The following RCAN1 variants were observed in gnomAD, a reference collection of about 807,000 sequenced individuals.
RCAN1 encodes regulator of calcineurin 1, also known as calcipressin-1.
In RCAN1, 11 loss-of-function variants were observed where a neutral mutation model predicts 22.9. The observed-to-expected ratio is 0.48, with a 90% CI of 0.30 to 0.79. RCAN1 has a LOEUF of 0.79. RCAN1 is among the 30% of genes least tolerant of loss of function. The pLI is 0.06. For synonymous variants in RCAN1, 136 were observed against 142.3 expected (o/e 0.96, Z 0.32); for missense variants, 291 against 337.8 (o/e 0.86, Z 1.09).
chr21:34,556,335 A>G (rs1986571058), intron 1 of RCAN1, among the ~76,000 whole-genome samples: 1 of 150,650 alleles, frequency 6.6e-6, no homozygotes, highest in Non-Finnish European at 1.5e-5. Context: ...CTAAAGTAGG[A>G]GAATCGCTTG....
intron 1 of RCAN1, among the ~76,000 whole-genome samples, chr21:34,590,347 T>C (rs1171626037): frequency 6.6e-6 from 1 of 152,258 alleles, no homozygotes; most frequent in Non-Finnish European, 1.5e-5. Flanking sequence ...TATTGCTTTG[T>C]TTTCCCCTGG....
chr21:34,613,261 T>C (rs1176878621), intron 1 of RCAN1, among the ~76,000 whole-genome samples: 1 of 152,226 alleles, frequency 6.6e-6, no homozygotes, highest in Non-Finnish European at 1.5e-5. Context: ...CCTCCAAGTC[T>C]TATTTTTTCC....
intron 1 of RCAN1, among the ~76,000 whole-genome samples, chr21:34,547,619 A>G (rs1418025001): frequency 6.6e-6 from 1 of 152,192 alleles, no homozygotes; most frequent in Non-Finnish European, 1.5e-5. Flanking sequence ...GGGCCTTGAC[A>G]AGGTGAGGAG....
At chr21:34,581,290 C>T (rs1447095425) in intron 1 of RCAN1, among the ~76,000 whole-genome samples, 2 of 152,056 alleles carry the variant, frequency 1.3e-5, no homozygotes, top group South Asian at 2.1e-4. Context: ...CAAATCAAGA[C>T]GCTGTTTGTA....
At chr21:34,520,785 G>C (rs558228589) in intron 3 of RCAN1, among the ~76,000 whole-genome samples, 6 of 152,346 alleles carry the variant, frequency 3.9e-5, no homozygotes, top group Admixed American at 1.3e-4. Context: ...AACACTGACT[G>C]TGAGCCAGGT....
chr21:34,599,379 C>A (rs1265885491), intron 1 of RCAN1, among the ~76,000 whole-genome samples: 1 of 151,992 alleles, frequency 6.6e-6, no homozygotes, highest in African/African-American at 2.4e-5. Context: ...GAGGCTGAGG[C>A]AGGAGAATCA....
chr21:34,601,571 C>T (rs1385136318), intron 1 of RCAN1, among the ~76,000 whole-genome samples: 2 of 152,174 alleles, frequency 1.3e-5, no homozygotes, highest in African/African-American at 4.8e-5. Flanking sequence ...GTAATCCCAG[C>T]ACTTTGGGAG....
chr21:34,562,986 T>C (rs764788262), intron 1 of RCAN1, among the ~76,000 whole-genome samples: 1 of 152,212 alleles, frequency 6.6e-6, no homozygotes, highest in East Asian at 1.9e-4. Flanking sequence ...CCACCTTTGT[T>C]TGACACACAG....
chr21:34,521,360 CAGA>C, intron 3 of RCAN1, 136 bp downstream of exon 3: 5 of 1,534,762 alleles, frequency 3.3e-6, no homozygotes, highest in Non-Finnish European at 3.5e-6. Flanking sequence ...GACGGTGGCG[CAGA>C]AGAATACAGA....
intron 2 of RCAN1, chr21:34,523,255 C>T (rs755133479): frequency 9.5e-5 from 37 of 387,864 alleles, no homozygotes; most frequent in African/African-American, 1.8e-4. Context: ...ACGCCTACCC[C>T]GCTGCACCCT....
At chr21:34,550,950 T>C (rs945314891) in intron 1 of RCAN1, among the ~76,000 whole-genome samples, 2 of 152,212 alleles carry the variant, frequency 1.3e-5, no homozygotes, top group African/African-American at 4.8e-5. Flanking sequence ...TATCCTGCTA[T>C]CAACTAATAC....
chr21:34,553,320 T>G (rs1159035413), intron 1 of RCAN1, among the ~76,000 whole-genome samples: 1 of 152,128 alleles, frequency 6.6e-6, no homozygotes, highest in Non-Finnish European at 1.5e-5. Flanking sequence ...TTTGCTTCAT[T>G]GGTGCTTTTC....
At chr21:34,553,745 G>A (rs1198285826) in intron 1 of RCAN1, among the ~76,000 whole-genome samples, 1 of 152,192 alleles carries the variant, frequency 6.6e-6, no homozygotes, top group Non-Finnish European at 1.5e-5. Context: ...ACAGTGCTGG[G>A]TTCATGATCA....
intron 1 of RCAN1, among the ~76,000 whole-genome samples, chr21:34,599,781 A>C (rs1988275036): frequency 6.6e-6 from 1 of 152,154 alleles, no homozygotes; most frequent in South Asian, 2.1e-4. Context: ...GGTCATAAAA[A>C]AATCATCTAA....
intron 1 of RCAN1, among the ~76,000 whole-genome samples, chr21:34,565,025 C>T (rs1307996430): frequency 7.1e-6 from 1 of 141,664 alleles, no homozygotes; most frequent in African/African-American, 2.8e-5. Flanking sequence ...CAAGTGAGAC[C>T]CCATCTCTAC....
intron 1 of RCAN1, among the ~76,000 whole-genome samples, chr21:34,571,949 A>G (rs1358989845): frequency 2.6e-5 from 4 of 152,234 alleles, no homozygotes; most frequent in Non-Finnish European, 5.9e-5. Context: ...GACCTAATTT[A>G]ATCACCACTA....
At position 34,564,311 on chromosome 21, in the gene RCAN1, G is replaced by A. The variant is rs114654711; in HGVS notation, c.253-40601C>T. 7.1e-3 allele frequency among the ~76,000 whole-genome samples: 1,087 copies of A among 152,190 alleles called. 11 individuals carry two copies. Among genetic ancestry groups the A allele is most frequent in the African/African-American group, 0.024 (1,011 of 41,526 alleles). ...GGGGACACAGCAAACCATATCAGGC[G>A]GGGGGATCACAGGGCAGGAAATGAA... On this transcript the variant is annotated intron_variant, in intron 1 of 3. Coordinates refer to ENST00000313806, the MANE Select transcript of RCAN1 (RefSeq NM_004414.7).
intron 1 of RCAN1, among the ~76,000 whole-genome samples, chr21:34,556,832 A>T (rs1986592952): frequency 6.6e-6 from 1 of 152,204 alleles, no homozygotes; most frequent in Non-Finnish European, 1.5e-5. Context: ...CGTCAATCAC[A>T]TTACCTATGA....
intron 1 of RCAN1, among the ~76,000 whole-genome samples, chr21:34,558,649 A>G (rs1986676918): frequency 6.6e-6 from 1 of 152,126 alleles, no homozygotes; most frequent in Non-Finnish European, 1.5e-5. Flanking sequence ...TTTCCTAAAG[A>G]TTTTGAATTG....
Sources: gnomAD v4.1 joint callset for allele counts (sites outside exome capture counted in the v4.1 genomes callset) on GRCh38, gnomAD v4.1.1 for gene constraint, MANE v1.5 for transcripts, NCBI Gene and HGNC (gene_info 2026-07-23, HGNC 2026-07-21) for gene names.